TTC21A: variants seen among roughly 807,000 people sequenced by gnomAD.
TTC21A encodes tetratricopeptide repeat domain 21A, also known as tetratricopeptide repeat protein 21A.
Under a neutral mutation model 156.4 loss-of-function variants are expected in TTC21A, and 128 were observed. The ratio of observed to expected loss-of-function variants is 0.82; its 90% CI spans 0.71 to 0.95. The LOEUF (loss-of-function observed/expected upper bound fraction) is 0.95, where lower values mean the gene tolerates loss of function less well. TTC21A is among the 40% of genes least tolerant of loss of function. The probability of loss-of-function intolerance (pLI) is 0.00; values close to 1 mark genes in which losing one functional copy is unlikely to be tolerated. For missense variants in TTC21A, 1,435 were observed against 1,602.3 expected, an observed-to-expected ratio of 0.90 and a Z score of 1.78; for synonymous variants, 587 against 617.1, an observed-to-expected ratio of 0.95 and a Z score of 0.72.
At chr3:39,114,846 A>G in intron 6 of TTC21A, 104 bp downstream of exon 6, 1 of 1,397,322 alleles carries the variant, frequency 7.2e-7, no homozygotes, top group Non-Finnish European at 9.9e-7. Flanking sequence ...TATCGCCCAT[A>G]GAGGAACTGG....
chr3:39,111,072 A>G, intron 4 of TTC21A, 55 bp downstream of exon 4: 1 of 1,543,178 alleles, frequency 6.5e-7, no homozygotes, highest in Non-Finnish European at 8.8e-7. Context: ...CAAACACATA[A>G]TAGCAGGGTG....
intron 22 of TTC21A, 117 bp from the exon 23 acceptor site, chr3:39,136,240 A>G (rs760119853): frequency 2.3e-4 from 245 of 1,043,560 alleles, no homozygotes; most frequent in Non-Finnish European, 3.2e-4. Flanking sequence ...AGCTGTTGGA[A>G]TGTCCCTGCT....
At chr3:39,109,959 G>A (rs2036665742) in intron 2 of TTC21A, 70 bp from the exon 3 acceptor site, 1 of 1,137,974 alleles carries the variant, frequency 8.8e-7, no homozygotes, top group African/African-American at 1.5e-5. Flanking sequence ...GAGCTGTTGG[G>A]TCAGCTACAG....
Position 39,107,691 on chromosome 3 carries a change from G to A in TTC21A, c.-147G>A. ...GTTCCTCCCACTCCAGACACTGGAC[G>A]CTCCTAGCAACCGGCTAGCAGCTCG... On this transcript the variant is annotated 5_prime_UTR_variant, in exon 1 of 29. Transcript: ENST00000683103. The A allele has an allele frequency of 7.6e-7, 1 of 1,313,694 alleles. No individual in the cohort carries two copies. Among genetic ancestry groups the A allele is most frequent in the African/African-American group, 1.5e-5 (1 of 68,604 alleles). 81.4% of individuals were successfully genotyped at this position (1,313,694 alleles called of 1,614,324 possible). A position where few individuals can be genotyped will look rare whatever the true frequency, so the allele number is the denominator to read the frequency against.
At chr3:39,122,762 C>T (rs1362938138) in intron 9 of TTC21A, among the ~76,000 whole-genome samples, 3 of 152,162 alleles carry the variant, frequency 2.0e-5, no homozygotes, top group Admixed American at 2.0e-4. Context: ...AGCAAAATTC[C>T]CTAGAATGTT....
At chr3:39,136,244 C>T (rs2039105430) in intron 22 of TTC21A, 113 bp from the exon 23 acceptor site, 4 of 1,118,974 alleles carry the variant, frequency 3.6e-6, no homozygotes, top group Non-Finnish European at 3.8e-6. Context: ...GTTGGAATGT[C>T]CCTGCTCAGC....
intron 7 of TTC21A, 90 bp downstream of exon 7, chr3:39,118,243 T>TA (rs774826045): frequency 2.6e-5 from 34 of 1,285,756 alleles, no homozygotes; most frequent in Admixed American, 1.7e-5. Context: ...AAAGCCCTTG[T>TA]AGGGAGCTCC....
chr3:39,128,888 A>G lies in TTC21A; in HGVS notation c.1852A>G (p.Ile618Val), dbSNP rs763127910. ...PSVQPSQRAS[I>V]LLELVEALRL... ...TGTGCAGCCTAGCCAGCGGGCATCC[A>G]TCTTATTGGAACTGGTGGAGGCCCT... The change falls in exon 14 of 29, where the codon ATC (isoleucine) becomes GTC (valine). Residue 618 changes from isoleucine to valine, a missense_variant. Transcript: ENST00000683103. 1.9e-6 allele frequency: 3 copies of G among 1,614,036 alleles called. No homozygotes were observed. The highest frequency in any genetic ancestry group is 2.5e-6 in the Non-Finnish European group (3 of 1,180,022).
rs1330695130 is a variant in TTC21A at position 39,130,415 on chromosome 3, G to A, written c.2319+57G>A. ...GAGGGCCAGCCCAGCAGGGAAGGAGGAGGACGGTACATGACTGGGGAGCTC... is the reference window on the plus strand; with the variant it reads ...GAGGGCCAGCCCAGCAGGGAAGGAGAAGGACGGTACATGACTGGGGAGCTC... On this transcript the variant is annotated intron_variant, in intron 17 of 28. Transcript: ENST00000683103. The surrounding 1 kb of genome is among the most constrained non-coding windows in gnomAD (Gnocchi z 4.5). 4 of 1,422,172 alleles carry A rather than the reference G, an allele frequency of 2.8e-6. No individual in the cohort carries two copies. The highest frequency in any genetic ancestry group is 2.9e-6 in the Non-Finnish European group (3 of 1,026,640). 88.1% of individuals were successfully genotyped at this position (1,422,172 alleles called of 1,614,324 possible). A position where few individuals can be genotyped will look rare whatever the true frequency, so the allele number is the denominator to read the frequency against.
Position 39,120,151 on chromosome 3 carries a change from G to A in TTC21A, c.900+131G>A, listed in dbSNP as rs2037642925. 4.6e-6 allele frequency: 3 copies of A among 647,654 alleles called. No individual in the cohort carries two copies. In the South Asian group the frequency reaches 5.7e-5, roughly 12 times the overall value. 40.1% of individuals were successfully genotyped at this position (647,654 alleles called of 1,614,324 possible). A position where few individuals can be genotyped will look rare whatever the true frequency, so the allele number is the denominator to read the frequency against. ...TGGCTCAAACTTGTCCTTTAGGGTA[G>A]TGGCTCATATCCTGCTGTGCCTACT... On this transcript the variant is annotated intron_variant, in intron 8 of 28. Transcript: ENST00000683103.
intron 19 of TTC21A, among the ~76,000 whole-genome samples, chr3:39,132,111 T>C (rs1368070227): frequency 6.6e-6 from 1 of 152,196 alleles, no homozygotes; most frequent in African/African-American, 2.4e-5. Context: ...CACAGCATGT[T>C]ACTCTACTGA....
chr3:39,134,274 G>A lies in TTC21A; in HGVS notation c.2808G>A (p.Glu936=), dbSNP rs989438543. The A allele has an allele frequency of 2.0e-5, 33 of 1,613,954 alleles. No homozygotes were observed. The highest frequency in any genetic ancestry group is 2.7e-5 in the Non-Finnish European group (32 of 1,179,970). Reference sequence around the variant, plus strand: ...TCCAGGGGCACCTGGACCTGTGTGAGCAGCACTGTGCCATCCTCCTGCAGA... The same window carrying A: ...TCCAGGGGCACCTGGACCTGTGTGAACAGCACTGTGCCATCCTCCTGCAGA... ...YLLQGHLDLC[E]QHCAILLQTE... The change falls in exon 21 of 29, where the codon GAG becomes GAA. Residue 936 remains glutamate (E), a synonymous_variant. Coordinates refer to ENST00000683103, the MANE Select transcript of TTC21A (RefSeq NM_001366900.1). This position sits in a 1 kb window ranked among gnomAD's most constrained non-coding sequence, Gnocchi z 4.6.
rs1226987973 is a variant in TTC21A, at chr3:39,136,725, G to A, written c.3096-174G>A. On this transcript the variant is annotated intron_variant, in intron 23 of 28. Transcript: ENST00000683103. ...GGCCAGGTGAGGGCCACTTGGGCAGGCCACCAGCCTGCATCCAACACACAG... is the reference window on the plus strand; with the variant it reads ...GGCCAGGTGAGGGCCACTTGGGCAGACCACCAGCCTGCATCCAACACACAG... 8.0e-6 allele frequency: 8 copies of A among 996,322 alleles called. No homozygotes were observed. The African/African-American group carries it at 8.2e-5, about 10-fold the overall frequency. The allele number at this position is 996,322 out of a possible 1,614,324, so 61.7% of individuals were successfully genotyped here. A position where few individuals can be genotyped will look rare whatever the true frequency, so the allele number is the denominator to read the frequency against.
chr3:39,121,221 G>C, intron 9 of TTC21A, 32 bp downstream of exon 9: 1 of 1,582,022 alleles, frequency 6.3e-7, no homozygotes, highest in Non-Finnish European at 8.6e-7. Context: ...CTCAGGGATG[G>C]GTGTCGGGAG....
intron 5 of TTC21A, among the ~76,000 whole-genome samples, chr3:39,113,103 T>G (rs1344545410): frequency 6.6e-6 from 1 of 152,160 alleles, no homozygotes; most frequent in African/African-American, 2.4e-5. Context: ...TTCTTCTGTT[T>G]GCATATATTT....
chr3:39,111,124 A>G, intron 4 of TTC21A, 107 bp downstream of exon 4: 1 of 1,248,024 alleles, frequency 8.0e-7, no homozygotes, highest in Non-Finnish European at 1.1e-6. Flanking sequence ...GGGGAGAGCC[A>G]CACCCAGGCA....
At chr3:39,126,536 G>A (rs977599063) in intron 12 of TTC21A, 146 bp downstream of exon 12, 13 of 826,348 alleles carry the variant, frequency 1.6e-5, no homozygotes, top group Non-Finnish European at 2.4e-5. Context: ...CTTGCCTGGG[G>A]TACTACGCAC....
At position 39,132,952 on chromosome 3, in the gene TTC21A, A is replaced by G. The variant is rs906287794; in HGVS notation, c.2563-100A>G. Reference sequence around the variant, plus strand: ...ATTTGCCCAAGGGCACTTATGTGTCATTTTTCATACTTCTGGCTTTGAATT... The same window carrying G: ...ATTTGCCCAAGGGCACTTATGTGTCGTTTTTCATACTTCTGGCTTTGAATT... On this transcript the variant is annotated intron_variant, in intron 19 of 28. Coordinates refer to ENST00000683103, the MANE Select transcript of TTC21A (RefSeq NM_001366900.1). 4.2e-6 allele frequency: 6 copies of G among 1,424,658 alleles called. No individual in the cohort carries two copies. In the African/African-American group the frequency reaches 8.7e-5, roughly 21 times the overall value. 88.3% of individuals were successfully genotyped at this position (1,424,658 alleles called of 1,614,324 possible). A position where few individuals can be genotyped will look rare whatever the true frequency, so the allele number is the denominator to read the frequency against.
intron 5 of TTC21A, among the ~76,000 whole-genome samples, chr3:39,112,982 A>G (rs2036959388): frequency 2.0e-5 from 3 of 152,062 alleles, no homozygotes; most frequent in Admixed American, 6.6e-5. Flanking sequence ...GTGTGCCGTA[A>G]GAGAAGGGAG....
Sources: allele counts gnomAD v4.1 joint callset (sites outside exome capture counted in the v4.1 genomes callset), GRCh38; gene constraint gnomAD v4.1.1; non-coding constraint Gnocchi (gnomAD v3.1); transcripts MANE v1.5; gene names NCBI Gene and HGNC (gene_info 2026-07-23, HGNC 2026-07-21).